Variants in ATP10A observed in about 807,000 individuals in gnomAD.
ATP10A encodes ATPase phospholipid transporting 10A (putative).
ATP10A carries 111 observed loss-of-function variants against 147.8 expected under a neutral mutation model. That is an observed-to-expected ratio of 0.75 (90% confidence interval 0.64 to 0.88). The LOEUF (loss-of-function observed/expected upper bound fraction) is 0.88. ATP10A is among the 40% of genes least tolerant of loss of function. ATP10A has a pLI of 0.00. For missense variants in ATP10A, 1,927 were observed against 1,959.0 expected, an observed-to-expected ratio of 0.98 and a Z score of 0.31; for synonymous variants, 875 against 841.6, an observed-to-expected ratio of 1.04 and a Z score of -0.69.
intron 2 of ATP10A, among the ~76,000 whole-genome samples, chr15:25,738,073 AT>A (rs1371605872): frequency 6.6e-6 from 1 of 152,192 alleles, no homozygotes; most frequent in Non-Finnish European, 1.5e-5. Flanking sequence ...AAAGCATTTC[AT>A]ATCCAGAGCA....
At chr15:25,817,033 A>C (rs1891688708) in intron 1 of ATP10A, among the ~76,000 whole-genome samples, 1 of 152,066 alleles carries the variant, frequency 6.6e-6, no homozygotes, top group African/African-American at 2.4e-5. Flanking sequence ...TATACTATCT[A>C]TAATGCAACT....
chr15:25,794,433 C>T (rs1035610880), intron 1 of ATP10A, among the ~76,000 whole-genome samples: 5 of 152,156 alleles, frequency 3.3e-5, no homozygotes, highest in Non-Finnish European at 7.3e-5. Context: ...ATATTTACTG[C>T]AAATATCCCT....
In ATP10A at chr15:25,770,902, A is replaced by C. The variant is rs114578482; in HGVS notation, c.654+10117T>G. On this transcript the variant is annotated intron_variant, in intron 2 of 20. Coordinates refer to ENST00000555815, the MANE Select transcript of ATP10A (RefSeq NM_024490.4). ...AGAGATTTGTTCTTTGTCTATGATA[A>C]ACATCTGAGCTCCCACCTGTCCTGT... Among the ~76,000 whole-genome samples, 924 of 152,242 alleles carry C rather than the reference A, an allele frequency of 6.1e-3. 9 individuals are homozygous for C. The highest frequency in any genetic ancestry group is 0.021 in the African/African-American group (879 of 41,552).
At chr15:25,792,934 G>A (rs1041240309) in intron 1 of ATP10A, among the ~76,000 whole-genome samples, 1 of 149,458 alleles carries the variant, frequency 6.7e-6, no homozygotes, top group Non-Finnish European at 1.5e-5. Context: ...GCAGTGGTGC[G>A]ATCCTGACTC....
intron 12 of ATP10A, 140 bp downstream of exon 12, chr15:25,707,836 G>A (rs765099526): frequency 2.1e-5 from 26 of 1,225,560 alleles, no homozygotes; most frequent in South Asian, 3.1e-5. Context: ...CTCCCGCCTC[G>A]GCTGTGCCAG....
intron 2 of ATP10A, among the ~76,000 whole-genome samples, chr15:25,763,708 A>G (rs1003015946): frequency 6.6e-6 from 1 of 152,214 alleles, no homozygotes; most frequent in Non-Finnish European, 1.5e-5. Flanking sequence ...ATCAGTGCAA[A>G]TAAGTGCTGT....
At chr15:25,828,069 A>G (rs1425193639) in intron 1 of ATP10A, among the ~76,000 whole-genome samples, 3 of 152,224 alleles carry the variant, frequency 2.0e-5, no homozygotes, top group Non-Finnish European at 4.4e-5. Flanking sequence ...AAGACATTTT[A>G]TGATGAAAAA....
At chr15:25,851,225 T>C (rs930805775) in intron 1 of ATP10A, among the ~76,000 whole-genome samples, 13 of 152,104 alleles carry the variant, frequency 8.5e-5, no homozygotes, top group African/African-American at 2.9e-4. Context: ...TAAAGTTCCC[T>C]ACTATGCAAG....
Position 25,781,058 on chromosome 15 carries a change from G to T in ATP10A, c.615C>A (p.Asn205Lys), listed in dbSNP as rs1489441957. ...CGCGGACCACCTGCCGCCGCTTCAGGTTGGTCTCTCCATCCAGGTTGGCGG... is the reference window on the plus strand; with the variant it reads ...CGCGGACCACCTGCCGCCGCTTCAGTTTGGTCTCTCCATCCAGGTTGGCGG... ...IETANLDGET[N>K]LKRRQVVRGF... The change falls in exon 2 of 21, where the codon AAC becomes AAA. Residue 205 changes from asparagine (N) to lysine (K), a missense_variant. Coordinates refer to ENST00000555815, the MANE Select transcript of ATP10A (RefSeq NM_024490.4). 1.9e-6 allele frequency: 3 copies of T among 1,614,154 alleles called. No individual in the cohort carries two copies. The highest frequency in any genetic ancestry group is 2.5e-6 in the Non-Finnish European group (3 of 1,180,036).
chr15:25,724,294 C>T lies in ATP10A; in HGVS notation c.980-273G>A, dbSNP rs890904663. Among the ~76,000 whole-genome samples the T allele has an allele frequency of 4.6e-5, 7 of 152,274 alleles. No individual in the cohort carries two copies. The South Asian group carries it at 8.3e-4, about 18-fold the overall frequency. Reference sequence around the variant, plus strand: ...CCACTTGTCCCAACACAGAGCTACCCGCGTGTTGGCAGCTGACAGTGTGAG... The same window carrying T: ...CCACTTGTCCCAACACAGAGCTACCTGCGTGTTGGCAGCTGACAGTGTGAG... On this transcript the variant is annotated intron_variant, in intron 5 of 20. Coordinates refer to ENST00000555815, the MANE Select transcript of ATP10A (RefSeq NM_024490.4).
At chr15:25,717,483 T>C (rs1296339526) in intron 8 of ATP10A, among the ~76,000 whole-genome samples, 2 of 152,220 alleles carry the variant, frequency 1.3e-5, no homozygotes, top group Admixed American at 1.3e-4. Flanking sequence ...TGAAAAATGC[T>C]GTCAGGAAAC....
At chr15:25,723,064 C>A (rs1337110156) in intron 6 of ATP10A, among the ~76,000 whole-genome samples, 2 of 152,158 alleles carry the variant, frequency 1.3e-5, no homozygotes, top group African/African-American at 4.8e-5. Context: ...AAGCAAAGGA[C>A]TAGGCCGGGT....
chr15:25,795,109 C>G (rs1466537248), intron 1 of ATP10A, among the ~76,000 whole-genome samples: 1 of 152,138 alleles, frequency 6.6e-6, no homozygotes, highest in Non-Finnish European at 1.5e-5. Context: ...ATTGTTTTTT[C>G]TTTGGGAAAA....
At chr15:25,717,814 A>G (rs1901915992) in intron 8 of ATP10A, among the ~76,000 whole-genome samples, 1 of 152,182 alleles carries the variant, frequency 6.6e-6, no homozygotes, top group African/African-American at 2.4e-5. Context: ...AAAGTATTTT[A>G]TGGATTTGGG....
In ATP10A at chr15:25,863,038, C is replaced by T. The variant is rs772102649; in HGVS notation, c.59G>A (p.Arg20Gln). The T allele has an allele frequency of 7.9e-7, 1 of 1,273,218 alleles. No individual in the cohort carries two copies. Among genetic ancestry groups the T allele is most frequent in the Non-Finnish European group, 9.9e-7 (1 of 1,014,608 alleles). The allele number at this position is 1,273,218 out of a possible 1,614,324, so 78.9% of individuals were successfully genotyped here. A position where few individuals can be genotyped will look rare whatever the true frequency, so the allele number is the denominator to read the frequency against. Reference protein sequence around the residue: ...EPGPPGRRRRREGRTRTVRSN... With the variant: ...EPGPPGRRRRQEGRTRTVRSN... ...GCGCACCGTGCGCGTCCTGCCCTCTCGGCGCCTCCGCCGTCCCGGAGGCCC... is the reference window on the plus strand; with the variant it reads ...GCGCACCGTGCGCGTCCTGCCCTCTTGGCGCCTCCGCCGTCCCGGAGGCCC... The change falls in exon 1 of 21, where the codon CGA becomes CAA. Residue 20 changes from arginine to glutamine, a missense_variant. Arg to Gln is a conservative substitution (Grantham distance 43, BLOSUM62 1). Coordinates refer to ENST00000555815, the MANE Select transcript of ATP10A (RefSeq NM_024490.4).
chr15:25,684,964 A>G (rs950814747), intron 16 of ATP10A, among the ~76,000 whole-genome samples: 4 of 152,162 alleles, frequency 2.6e-5, no homozygotes, highest in Non-Finnish European at 5.9e-5. Context: ...GAAAACGAAC[A>G]TTTGGTTTTT....
rs905801337 is a variant in ATP10A at position 25,809,693 on chromosome 15, C to T, written c.450-28470G>A. Reference sequence around the variant, plus strand: ...TACGTGCCTGAGAACAGTGCTGTTCCCCACAGACGGGCTGGGAAGGCAGGA... The same window carrying T: ...TACGTGCCTGAGAACAGTGCTGTTCTCCACAGACGGGCTGGGAAGGCAGGA... On this transcript the variant is annotated intron_variant, in intron 1 of 20. Transcript: ENST00000555815. Among the ~76,000 whole-genome samples the T allele has an allele frequency of 3.2e-5, 4 of 123,454 alleles. No homozygotes were observed. The Admixed American group carries it at 3.6e-4, about 11-fold the overall frequency. The allele number at this position is 123,454 out of a possible 152,430, so 81.0% of individuals were successfully genotyped here.
At chr15:25,695,480 T>C (rs563959790) in intron 13 of ATP10A, among the ~76,000 whole-genome samples, 1 of 152,068 alleles carries the variant, frequency 6.6e-6, no homozygotes, top group South Asian at 2.1e-4. Flanking sequence ...TACAAAAAAA[T>C]TAGCCAGGCG....
intron 13 of ATP10A, among the ~76,000 whole-genome samples, chr15:25,696,426 A>C (rs900749432): frequency 1.3e-5 from 2 of 152,162 alleles, no homozygotes; most frequent in Non-Finnish European, 2.9e-5. Context: ...CTTGAGGAGA[A>C]TGCAGGATGC....
Sources: allele counts gnomAD v4.1 joint callset (sites outside exome capture counted in the v4.1 genomes callset), GRCh38; gene constraint gnomAD v4.1.1; transcripts MANE v1.5; gene names NCBI Gene and HGNC (gene_info 2026-07-23, HGNC 2026-07-21).